Variants in ST6GAL1 observed in about 807,000 individuals in gnomAD.
The protein encoded by ST6GAL1 is ST6 beta-galactoside alpha-2,6-sialyltransferase 1.
A neutral mutation model predicts 38.0 loss-of-function variants in ST6GAL1; 20 were observed. The ratio of observed to expected loss-of-function variants is 0.53; its 90% confidence interval spans 0.37 to 0.77. ST6GAL1 has a LOEUF of 0.77. ST6GAL1 is among the 30% of genes least tolerant of loss of function. The pLI is 0.00. For synonymous variants in ST6GAL1, 196 were observed against 188.2 expected (o/e 1.04, Z -0.34); for missense variants, 432 against 496.4 (o/e 0.87, Z 1.23).
At chr3:187,054,726 C>T (rs139030310) in intron 5 of ST6GAL1, among the ~76,000 whole-genome samples, 1,900 of 152,162 alleles carry the variant, frequency 0.012, 43 homozygotes, top group African/African-American at 0.043. Flanking sequence ...ATTTTTGCAT[C>T]GATGTTCATC....
intron 2 of ST6GAL1, among the ~76,000 whole-genome samples, chr3:187,017,793 G>A (rs549430976): frequency 2.2e-4 from 34 of 152,254 alleles, no homozygotes; most frequent in Non-Finnish European, 1.0e-4. Context: ...TGGAAAGAAC[G>A]GCCGCCTGGC....
chr3:186,965,282 G>T (rs1715067003), intron 2 of ST6GAL1, among the ~76,000 whole-genome samples: 1 of 152,234 alleles, frequency 6.6e-6, no homozygotes, highest in African/African-American at 2.4e-5. Context: ...ACTGAAATCA[G>T]AGTTTTTGAC....
intron 2 of ST6GAL1, among the ~76,000 whole-genome samples, chr3:186,988,853 G>T (rs1005316112): frequency 2.0e-5 from 3 of 152,268 alleles, no homozygotes; most frequent in African/African-American, 7.2e-5. Flanking sequence ...GGTGGAGGTT[G>T]CAGTGAGCTG....
At chr3:187,054,314 T>G (rs1439560866) in intron 5 of ST6GAL1, among the ~76,000 whole-genome samples, 1 of 152,196 alleles carries the variant, frequency 6.6e-6, no homozygotes, top group Non-Finnish European at 1.5e-5. Flanking sequence ...CTGATTGCCC[T>G]GGCCAGAACT....
chr3:186,956,683 A>G (rs970088235), intron 1 of ST6GAL1, among the ~76,000 whole-genome samples: 1 of 152,222 alleles, frequency 6.6e-6, no homozygotes, highest in African/African-American at 2.4e-5. Context: ...GCCTATAGAT[A>G]TTGATATTTA....
At chr3:186,987,458 G>A (rs1715988276) in intron 2 of ST6GAL1, among the ~76,000 whole-genome samples, 1 of 152,090 alleles carries the variant, frequency 6.6e-6, no homozygotes, top group South Asian at 2.1e-4. Flanking sequence ...GAAGCCCACG[G>A]CCCACAAGAA....
intron 1 of ST6GAL1, among the ~76,000 whole-genome samples, chr3:186,933,250 C>G (rs2108511521): frequency 6.6e-6 from 1 of 152,332 alleles, no homozygotes; most frequent in East Asian, 1.9e-4. Context: ...AGCATGCACT[C>G]CCTATTCTGA....
At chr3:187,021,124 C>T (rs1055380626) in intron 2 of ST6GAL1, among the ~76,000 whole-genome samples, 31 of 151,860 alleles carry the variant, frequency 2.0e-4, no homozygotes, top group Non-Finnish European at 3.1e-4. Flanking sequence ...CCACCACGCC[C>T]GGCTAATTTT....
rs1265010590 is a variant in ST6GAL1 at position 186,988,243 on chromosome 3, G to A, written c.-183+24317G>A. ...ACATGGTAAATGTGGACTGGATGATGGTTCAGTTGGTTTACACGTAGGGCT... is the reference window on the plus strand; with the variant it reads ...ACATGGTAAATGTGGACTGGATGATAGTTCAGTTGGTTTACACGTAGGGCT... On this transcript the variant is annotated intron_variant, in intron 2 of 7. Coordinates refer to ENST00000169298, the MANE Select transcript of ST6GAL1 (RefSeq NM_173216.2). Among the ~76,000 whole-genome samples the A allele has an allele frequency of 4.6e-5, 7 of 152,194 alleles. No individual in the cohort carries two copies. The East Asian group carries it at 1.4e-3, about 29-fold the overall frequency.
intron 5 of ST6GAL1, among the ~76,000 whole-genome samples, chr3:187,052,370 C>A (rs1161823526): frequency 6.6e-6 from 1 of 152,138 alleles, no homozygotes; most frequent in Non-Finnish European, 1.5e-5. Context: ...CATAGATATA[C>A]ATGTGCCATG....
In ST6GAL1 at chr3:187,045,720, A is replaced by G. The variant is rs149218636; in HGVS notation, c.607+2410A>G. Reference sequence around the variant, plus strand: ...GGCACCTCTGCTGTTGTGCCTCATAATAATTGTAGCTTCATAATAAAATTC... The same window carrying G: ...GGCACCTCTGCTGTTGTGCCTCATAGTAATTGTAGCTTCATAATAAAATTC... On this transcript the variant is annotated intron_variant, in intron 4 of 7. Coordinates refer to ENST00000169298, the MANE Select transcript of ST6GAL1 (RefSeq NM_173216.2). Among the ~76,000 whole-genome samples, 4 of 152,348 alleles carry G rather than the reference A, an allele frequency of 2.6e-5. No individual in the cohort carries two copies. The East Asian group carries it at 7.7e-4, about 29-fold the overall frequency.
chr3:186,983,839 T>C (rs1239979285), intron 2 of ST6GAL1, among the ~76,000 whole-genome samples: 4 of 152,122 alleles, frequency 2.6e-5, no homozygotes, highest in Admixed American at 6.5e-5. Context: ...TAAACAGTCA[T>C]GCAGCTGGGT....
chr3:187,040,726 A>G (rs1718096059), intron 3 of ST6GAL1, among the ~76,000 whole-genome samples: 1 of 152,200 alleles, frequency 6.6e-6, no homozygotes. Flanking sequence ...GTCTGCGGAA[A>G]TTGAATTCCT....
chr3:187,073,739 AC>A (rs1719464668), intron 6 of ST6GAL1: 1 of 155,568 alleles, frequency 6.4e-6, no homozygotes. Flanking sequence ...ACAGTTTTGC[AC>A]TGATCTCACT....
chr3:186,968,351 A>G (rs1243198122), intron 2 of ST6GAL1, among the ~76,000 whole-genome samples: 1 of 152,224 alleles, frequency 6.6e-6, no homozygotes, highest in South Asian at 2.1e-4. Context: ...ATCTTGTTTT[A>G]TATACCCTTA....
At chr3:186,957,450 T>TAAAAG (rs1300003559) in intron 1 of ST6GAL1, among the ~76,000 whole-genome samples, 4 of 151,528 alleles carry the variant, frequency 2.6e-5, no homozygotes, top group African/African-American at 7.3e-5. Flanking sequence ...CCCTCCCGCC[T>TAAAAG]AAAAGAAAAG....
In ST6GAL1 at chr3:187,051,322, T is replaced by C; in HGVS notation, c.681T>C (p.Thr227=). The C allele has an allele frequency of 1.2e-6, 2 of 1,614,184 alleles. No individual in the cohort carries two copies. The highest frequency in any genetic ancestry group is 1.7e-6 in the Non-Finnish European group (2 of 1,180,000). Reference sequence around the variant, plus strand: ...TCCAACAAGATGTGGGCACAAAAACTACCATTCGCCTGATGAACTCTCAGG... The same window carrying C: ...TCCAACAAGATGTGGGCACAAAAACCACCATTCGCCTGATGAACTCTCAGG... ...ANFQQDVGTK[T]TIRLMNSQLV... The change falls in exon 5 of 8, where the codon ACT becomes ACC. Residue 227 remains threonine (T), a synonymous_variant. Transcript: ENST00000169298.
At chr3:186,971,143 C>T (rs1173166567) in intron 2 of ST6GAL1, among the ~76,000 whole-genome samples, 1 of 152,226 alleles carries the variant, frequency 6.6e-6, no homozygotes, top group Non-Finnish European at 1.5e-5. Flanking sequence ...GCCTGGAGTG[C>T]AGTGGTGCTA....
intron 5 of ST6GAL1, among the ~76,000 whole-genome samples, chr3:187,068,687 CT>C (rs1223054383): frequency 1.3e-5 from 2 of 152,174 alleles, no homozygotes; most frequent in East Asian, 3.8e-4. Flanking sequence ...TGGCCTCCTG[CT>C]TTGCATACTC....
Sources: gnomAD v4.1 joint callset for allele counts (sites outside exome capture counted in the v4.1 genomes callset) on GRCh38, gnomAD v4.1.1 for gene constraint, MANE v1.5 for transcripts, NCBI Gene and HGNC (gene_info 2026-07-23, HGNC 2026-07-21) for gene names.